The following HDAC5 variants were observed in gnomAD, a reference collection of about 807,000 sequenced individuals.
The protein encoded by HDAC5 is antigen NY-CO-9.
HDAC5 carries 25 observed loss-of-function variants against 133.3 expected under a neutral mutation model. The ratio of observed to expected loss-of-function variants is 0.19; its 90% CI spans 0.14 to 0.26. The LOEUF (loss-of-function observed/expected upper bound fraction) is 0.26, where lower values mean the gene tolerates loss of function less well. Ranked by LOEUF, HDAC5 falls within the 10% of genes least tolerant of loss-of-function variation. The pLI is 1.00. For synonymous variants in HDAC5, 589 were observed against 610.8 expected (o/e 0.96, Z 0.53); for missense variants, 1,041 against 1,460.5 (o/e 0.71, Z 4.68).
intron 14 of HDAC5, among the ~76,000 whole-genome samples, chr17:44,085,852 C>T (rs999478214): frequency 2.6e-5 from 4 of 151,962 alleles, no homozygotes; most frequent in African/African-American, 9.7e-5. Context: ...ATGTTGCTCA[C>T]GTTGGTCTCA....
Position 44,091,336 on chromosome 17 carries a change from G to T in HDAC5, c.1321C>A (p.His441Asn). The T allele has an allele frequency of 6.2e-7, 1 of 1,608,776 alleles. No homozygotes were observed. Among genetic ancestry groups the T allele is most frequent in the Non-Finnish European group, 8.5e-7 (1 of 1,177,870 alleles). ...ALEGDGSPHG[H>N]ASLLQHVLLL... ...AGCACATGCTGCAGCAGGGAGGCAT[G>T]CCCGTGGGGGCTCCCGTCGCCCTCC... is the stretch of plus-strand genomic sequence containing the variant. The change falls in exon 11 of 27, where the codon CAT becomes AAT. Residue 441 changes from histidine to asparagine, a missense_variant. By Grantham distance (68) the His-to-Asn change is moderately conservative. This residue lies in a region of HDAC5 where 433 missense variants were observed against 531.6 expected (regional missense o/e 0.81). Transcript: ENST00000682912.
At chr17:44,115,079 A>G (rs1479189843) in intron 2 of HDAC5, among the ~76,000 whole-genome samples, 3 of 152,210 alleles carry the variant, frequency 2.0e-5, no homozygotes, top group African/African-American at 7.2e-5. Context: ...GTTCACTGTG[A>G]GGACCAGGGA....
rs2050561805 is a variant in HDAC5, at chr17:44,084,649, T to C, written c.2211A>G (p.Leu737=). ...CAGAGTGCACTGTCTGGATCTCATC[T>C]AGCGTGGCTTTGCGACCTCGGATCC... ...CERIRGRKAT[L]DEIQTVHSEY... Residue 737 remains leucine, a synonymous_variant, in exon 16 of 27, where the codon CTA becomes CTG. Transcript: ENST00000682912. The C allele has an allele frequency of 6.2e-7, 1 of 1,614,154 alleles. No individual in the cohort carries two copies. Among genetic ancestry groups the C allele is most frequent in the Non-Finnish European group, 8.5e-7 (1 of 1,179,982 alleles).
intron 13 of HDAC5, among the ~76,000 whole-genome samples, chr17:44,087,098 T>C (rs1374942163): frequency 6.6e-6 from 1 of 151,272 alleles, no homozygotes; most frequent in African/African-American, 2.4e-5. Context: ...GGGGCGTGTG[T>C]GTACACACAC....
chr17:44,078,770 A>G, intron 25 of HDAC5, 25 bp downstream of exon 25: 1 of 1,613,118 alleles, frequency 6.2e-7, no homozygotes, highest in Non-Finnish European at 8.5e-7. Flanking sequence ...TGGCAGCCTG[A>G]GCCCCTCTAC....
In HDAC5 at chr17:44,082,611, C is replaced by T. The variant is rs772653767; in HGVS notation, c.2581G>A (p.Val861Met). 1.9e-6 allele frequency: 3 copies of T among 1,614,082 alleles called. No individual in the cohort carries two copies. The highest frequency in any genetic ancestry group is 1.7e-5 in the Admixed American group (1 of 60,014). Residue 861 changes from valine to methionine, a missense_variant, in exon 20 of 27, where the codon GTG (valine) becomes ATG (methionine). Val to Met is a conservative substitution (Grantham distance 21). Coordinates refer to ENST00000682912, the MANE Select transcript of HDAC5 (RefSeq NM_005474.5). ...TAKLLQQKLNVGKVLIVDWDI... is the reference protein window; with the variant it reads ...TAKLLQQKLNMGKVLIVDWDI... ...CAGTCCACGATGAGGACCTTGCCCACGTTCAACTTCTGCTGTAGGAGTTTT... is the reference window on the plus strand; with the variant it reads ...CAGTCCACGATGAGGACCTTGCCCATGTTCAACTTCTGCTGTAGGAGTTTT...
chr17:44,106,832 G>T (rs1355289187), intron 3 of HDAC5, among the ~76,000 whole-genome samples: 2 of 151,884 alleles, frequency 1.3e-5, no homozygotes, highest in African/African-American at 4.8e-5. Context: ...CCAAAGTGCT[G>T]GGATTCCAGG....
At chr17:44,108,289 C>T (rs1477585896) in intron 3 of HDAC5, among the ~76,000 whole-genome samples, 1 of 152,182 alleles carries the variant, frequency 6.6e-6, no homozygotes, top group Non-Finnish European at 1.5e-5. Flanking sequence ...ACCCAGAGGT[C>T]CAGGCCCCAG....
At chr17:44,119,907 TG>T (rs1248075893) in intron 1 of HDAC5, 1 of 151,546 alleles carries the variant, frequency 6.6e-6, no homozygotes, top group Non-Finnish European at 1.5e-5. Context: ...AACCAGGGAG[TG>T]GCCCAACTTC....
intron 3 of HDAC5, among the ~76,000 whole-genome samples, chr17:44,100,737 G>A (rs1430238951): frequency 6.6e-6 from 1 of 151,362 alleles, no homozygotes; most frequent in Non-Finnish European, 1.5e-5. Flanking sequence ...GGCAACAACA[G>A]GGAGAGACTC....
Position 44,123,498 on chromosome 17 carries a change from G to C in HDAC5, c.-190+6C>G. 5.3e-6 allele frequency: 2 copies of C among 380,376 alleles called. No individual in the cohort carries two copies. Among genetic ancestry groups the C allele is most frequent in the Non-Finnish European group, 9.3e-6 (2 of 214,934 alleles). The allele number at this position is 380,376 out of a possible 1,614,324, so 23.6% of individuals were successfully genotyped here. Reference sequence around the variant, plus strand: ...GATGGGATCTGGGCCGGGGCGGCGCGCTCACCCGCTGCGGCTCGAGCTCCG... The same window carrying C: ...GATGGGATCTGGGCCGGGGCGGCGCCCTCACCCGCTGCGGCTCGAGCTCCG... On this transcript the variant is annotated splice_donor_region_variant and intron_variant, in intron 1 of 26. Transcript: ENST00000682912.
At position 44,093,751 on chromosome 17, in the gene HDAC5, G is replaced by A. The variant is rs772611618; in HGVS notation, c.178C>T (p.Arg60Trp). The A allele has an allele frequency of 4.4e-6, 7 of 1,602,058 alleles. No homozygotes were observed. Among genetic ancestry groups the A allele is most frequent in the Non-Finnish European group, 5.1e-6 (6 of 1,174,142 alleles). ...TCCACAGAGCCCACCAGAGCCCCCCGTAGCTCCACAGGGCTGGGGCTGCCT... is the reference window on the plus strand; with the variant it reads ...TCCACAGAGCCCACCAGAGCCCCCCATAGCTCCACAGGGCTGGGGCTGCCT... ...GGGSPSPVEL[R>W]GALVGSVDPT... The change falls in exon 4 of 27, where the codon CGG becomes TGG. Residue 60 changes from arginine to tryptophan, a missense_variant. Physicochemically the swap from Arg to Trp is moderately radical, Grantham distance 101. Transcript: ENST00000682912.
chr17:44,088,268 C>T, intron 12 of HDAC5, 119 bp downstream of exon 12: 6 of 1,438,720 alleles, frequency 4.2e-6, no homozygotes, highest in Non-Finnish European at 5.5e-6. Context: ...CCACCTCGGC[C>T]TCCCAATCAG....
At chr17:44,092,082 A>G in intron 9 of HDAC5, 90 bp downstream of exon 9, 1 of 1,197,604 alleles carries the variant, frequency 8.4e-7, no homozygotes, top group East Asian at 2.4e-5. Flanking sequence ...CTGGGCACTC[A>G]GGCAGACAGA....
At chr17:44,094,782 A>T (rs959563714) in intron 3 of HDAC5, among the ~76,000 whole-genome samples, 2 of 151,934 alleles carry the variant, frequency 1.3e-5, no homozygotes, top group African/African-American at 4.8e-5. Context: ...ACACACATAC[A>T]TATGTGTGTG....
intron 3 of HDAC5, among the ~76,000 whole-genome samples, chr17:44,097,852 T>C (rs998428713): frequency 2.0e-5 from 3 of 152,228 alleles, no homozygotes; most frequent in Admixed American, 1.3e-4. Flanking sequence ...AGAGAGCACA[T>C]GGGCTCAGGC....
intron 3 of HDAC5, among the ~76,000 whole-genome samples, chr17:44,108,142 G>C (rs2052089497): frequency 6.6e-6 from 1 of 152,134 alleles, no homozygotes; most frequent in Non-Finnish European, 1.5e-5. Flanking sequence ...ATCCATCAAG[G>C]AAGACCTCTG....
Position 44,123,497 on chromosome 17 carries a change from C to A in HDAC5, c.-190+7G>T. 7.9e-6 allele frequency: 3 copies of A among 379,738 alleles called. No homozygotes were observed. Among genetic ancestry groups the A allele is most frequent in the Non-Finnish European group, 1.4e-5 (3 of 214,540 alleles). The allele number at this position is 379,738 out of a possible 1,614,324, so 23.5% of individuals were successfully genotyped here. ...AGATGGGATCTGGGCCGGGGCGGCG[C>A]GCTCACCCGCTGCGGCTCGAGCTCC... On this transcript the variant is annotated splice_region_variant and intron_variant, in intron 1 of 26. Transcript: ENST00000682912.
intron 23 of HDAC5, 183 bp from the exon 24 acceptor site, chr17:44,079,460 T>A (rs1314890160): frequency 7.5e-6 from 4 of 531,116 alleles, no homozygotes; most frequent in Non-Finnish European, 1.3e-5. Flanking sequence ...ACCAACATGG[T>A]GAAACCCCGT....
Sources: allele counts gnomAD v4.1 joint callset (sites outside exome capture counted in the v4.1 genomes callset), GRCh38; gene constraint gnomAD v4.1.1; regional missense constraint gnomAD v4.1.1; transcripts MANE v1.5; gene names NCBI Gene and HGNC (gene_info 2026-07-23, HGNC 2026-07-21).